Variants in TEX9 observed in about 807,000 individuals in gnomAD.
TEX9 encodes testis-expressed protein 9.
A neutral mutation model predicts 59.6 loss-of-function variants in TEX9; 74 were observed. The observed-to-expected ratio is 1.24, with a 90% confidence interval of 1.03 to 1.51. The LOEUF (loss-of-function observed/expected upper bound fraction) is 1.51, where lower values mean the gene tolerates loss of function less well. Among genes scored for constraint, TEX9 ranks in the 40% most tolerant of loss-of-function variants. TEX9 has a pLI of 0.00. For synonymous variants in TEX9, 186 were observed against 152.2 expected, an observed-to-expected ratio of 1.22 and a Z score of -1.64; for missense variants, 522 against 447.8, an observed-to-expected ratio of 1.17 and a Z score of -1.49.
intron 3 of TEX9, among the ~76,000 whole-genome samples, chr15:56,374,799 G>A (rs989261540): frequency 6.6e-6 from 1 of 152,152 alleles, no homozygotes. Context: ...GTGAGAGCAT[G>A]TGAAGTTTGT....
At chr15:56,277,817 C>T (rs2044710345) in intron 1 of TEX9, among the ~76,000 whole-genome samples, 1 of 152,204 alleles carries the variant, frequency 6.6e-6, no homozygotes, top group Admixed American at 6.5e-5. Flanking sequence ...TAGATTTCAA[C>T]AAGGAGATGA....
intron 12 of TEX9, chr15:56,444,685 A>G (rs767202832): frequency 1.9e-6 from 3 of 1,599,758 alleles, no homozygotes; most frequent in Admixed American, 1.7e-5. Context: ...TGTTATTAAA[A>G]CAAAATTGAT....
At chr15:56,374,221 A>T (rs550418794) in intron 3 of TEX9, 1 of 150,576 alleles carries the variant, frequency 6.6e-6, no homozygotes, top group Admixed American at 6.7e-5. Context: ...GTAGAATGAC[A>T]GATTCATTAC....
chr15:56,384,059 T>C (rs771432053), intron 4 of TEX9, 28 bp downstream of exon 4: 2 of 1,552,734 alleles, frequency 1.3e-6, no homozygotes, highest in Non-Finnish European at 1.8e-6. Context: ...TCAAGCACCT[T>C]CTTTTAAAAG....
rs777076681 is a variant in TEX9, at chr15:56,389,435, T to A, written c.395+35T>A. On this transcript the variant is annotated intron_variant, in intron 6 of 12. Transcript: ENST00000352903. ...AGTTTTCAAAGTATTTCTTTTTTTT[T>A]AGTTTTGTAATTCACAATACCATCA... The A allele has an allele frequency of 3.5e-5, 51 of 1,458,674 alleles. 1 individual carries two copies. In the African/African-American group the frequency reaches 6.0e-4, roughly 17 times the overall value. The allele number at this position is 1,458,674 out of a possible 1,614,324, so 90.4% of individuals were successfully genotyped here.
chr15:56,425,602 T>C (rs1390979325), intron 10 of TEX9, among the ~76,000 whole-genome samples: 5 of 152,184 alleles, frequency 3.3e-5, no homozygotes, highest in African/African-American at 4.8e-5. Context: ...TTTATTAATA[T>C]ATAGGTACCC....
chr15:56,350,538 T>G (rs1428061340), intron 1 of TEX9, among the ~76,000 whole-genome samples: 1 of 152,220 alleles, frequency 6.6e-6, no homozygotes, highest in Admixed American at 6.5e-5. Flanking sequence ...AAGGTTCTCA[T>G]GCCTTTCACA....
At chr15:56,391,368 C>T in exon 7 of TEX9, 1 of 1,584,042 alleles carries the variant, frequency 6.3e-7, no homozygotes, top group Non-Finnish European at 8.6e-7. Context: ...GAAGGCTTAC[C>T]TGAATATATA....
chr15:56,278,780 A>G (rs2044743385), intron 1 of TEX9, among the ~76,000 whole-genome samples: 1 of 148,454 alleles, frequency 6.7e-6, no homozygotes, highest in African/African-American at 2.5e-5. Flanking sequence ...TGTCATGACA[A>G]CCTCAGCTAC....
intron 3 of TEX9, among the ~76,000 whole-genome samples, chr15:56,382,938 T>C (rs2047797651): frequency 6.6e-6 from 1 of 152,084 alleles, no homozygotes; most frequent in Non-Finnish European, 1.5e-5. Flanking sequence ...TGGCTCTGAG[T>C]CAAGCCCAGC....
chr15:56,362,770 G>A (rs376427190), upstream of TEX9, among the ~76,000 whole-genome samples: 8 of 152,012 alleles, frequency 5.3e-5, no homozygotes, highest in East Asian at 5.8e-4. Flanking sequence ...TGCCTATTGC[G>A]GACATTTCCT....
chr15:56,394,720 A>G (rs775422602), exon 9 of TEX9: 30 of 1,609,822 alleles, frequency 1.9e-5, no homozygotes, highest in Non-Finnish European at 2.5e-5. Context: ...ATTTTATGAG[A>G]CAGCAGCGAA....
At chr15:56,278,634 C>G (rs1160135451) in intron 1 of TEX9, among the ~76,000 whole-genome samples, 1 of 152,150 alleles carries the variant, frequency 6.6e-6, no homozygotes, top group African/African-American at 2.4e-5. Context: ...GGGACTTTCT[C>G]TCTTAAACAC....
In TEX9 at chr15:56,252,592, A is replaced by G. The variant is rs554849773; in HGVS notation, c.-107+8314A>G. On this transcript the variant is annotated intron_variant, in intron 1 of 5. Coordinates refer to the TEX9 transcript ENST00000560827. The stretch of plus-strand genomic sequence containing the variant: ...GTTCAGCCTGACATCTGGTGCTACA[A>G]TTCTCCAGATTTAAAGGTACTCTGG... Among the ~76,000 whole-genome samples, 24 of 152,238 alleles carry G rather than the reference A, an allele frequency of 1.6e-4. 1 individual carries two copies. In the South Asian group the frequency reaches 4.8e-3, roughly 30 times the overall value.
intron 1 of TEX9, among the ~76,000 whole-genome samples, chr15:56,309,869 C>T (rs2045570272): frequency 6.6e-6 from 1 of 151,542 alleles, no homozygotes; most frequent in Admixed American, 6.6e-5. Flanking sequence ...TGAGTAGAGT[C>T]AGGGAAGTGA....
chr15:56,422,980 A>G (rs1252176105), intron 10 of TEX9, among the ~76,000 whole-genome samples: 1 of 152,164 alleles, frequency 6.6e-6, no homozygotes, highest in Non-Finnish European at 1.5e-5. Flanking sequence ...CATGTGTCAG[A>G]ATTTCATTCC....
At chr15:56,402,013 C>T (rs1357927603) in intron 9 of TEX9, among the ~76,000 whole-genome samples, 1 of 152,058 alleles carries the variant, frequency 6.6e-6, no homozygotes, top group East Asian at 1.9e-4. Context: ...GCACTAAATG[C>T]CCACAAGAGG....
chr15:56,303,294 A>T (rs2045403490), intron 1 of TEX9, among the ~76,000 whole-genome samples: 1 of 152,212 alleles, frequency 6.6e-6, no homozygotes, highest in Non-Finnish European at 1.5e-5. Flanking sequence ...TCAAGGATAG[A>T]CCATATGTTA....
chr15:56,320,712 A>G (rs886176253), intron 1 of TEX9, among the ~76,000 whole-genome samples: 6 of 152,202 alleles, frequency 3.9e-5, no homozygotes, highest in African/African-American at 1.2e-4. Context: ...TAGGGTAGCC[A>G]TATGATTTGT....
Sources: allele counts gnomAD v4.1 joint callset (sites outside exome capture counted in the v4.1 genomes callset), GRCh38; gene constraint gnomAD v4.1.1; transcripts MANE v1.5; gene names NCBI Gene and HGNC (gene_info 2026-07-23, HGNC 2026-07-21).